KCNAB1: variants seen among roughly 807,000 people sequenced by gnomAD.
The protein encoded by KCNAB1 is voltage-gated potassium channel subunit beta-1.
In KCNAB1, 35 loss-of-function variants were observed where a neutral mutation model predicts 64.6. The ratio of observed to expected loss-of-function variants is 0.54; its 90% CI spans 0.41 to 0.72. The LOEUF is 0.72. Ranked by LOEUF, KCNAB1 falls within the 30% of genes least tolerant of loss-of-function variation. KCNAB1 has a pLI of 0.00. For synonymous variants in KCNAB1, 177 were observed against 183.8 expected, an observed-to-expected ratio of 0.96 and a Z score of 0.30; for missense variants, 401 against 512.9, an observed-to-expected ratio of 0.78 and a Z score of 2.11.
chr3:156,226,711 A>AAAAAG (rs3050302), intron 1 of KCNAB1, among the ~76,000 whole-genome samples: 113,377 of 151,464 alleles, frequency 0.75, 42,595 homozygotes, highest in East Asian at 0.9. Context: ...AAGAAAAAGA[A>AAAAAG]AAAAGAAAAG....
At chr3:156,142,801 T>A (rs958019999) in intron 1 of KCNAB1, among the ~76,000 whole-genome samples, 6 of 152,180 alleles carry the variant, frequency 3.9e-5, no homozygotes, top group African/African-American at 1.2e-4. Flanking sequence ...AAAAACAGAT[T>A]GGCCCAGATC....
chr3:156,247,355 G>A (rs1425515617), intron 1 of KCNAB1, among the ~76,000 whole-genome samples: 9 of 152,144 alleles, frequency 5.9e-5, no homozygotes, highest in African/African-American at 9.7e-5. Flanking sequence ...ATGCTAATTC[G>A]TGTTCAAAGC....
chr3:156,415,148 A>G (rs3772262), intron 1 of KCNAB1, among the ~76,000 whole-genome samples: 48,418 of 152,106 alleles, frequency 0.32, 10,911 homozygotes, highest in African/African-American at 0.64. Flanking sequence ...TCATTAGGCC[A>G]GGGAAGTGGG....
intron 1 of KCNAB1, among the ~76,000 whole-genome samples, chr3:156,238,350 A>T (rs1716969041): frequency 1.4e-5 from 2 of 143,430 alleles, no homozygotes; most frequent in South Asian, 4.6e-4. Context: ...TGAACCCGGG[A>T]GGCGGAACTT....
intron 1 of KCNAB1, among the ~76,000 whole-genome samples, chr3:156,219,880 CT>C (rs1200389968): frequency 6.6e-6 from 1 of 151,872 alleles, no homozygotes; most frequent in Admixed American, 6.6e-5. Flanking sequence ...CCCTAACCCC[CT>C]GACAGGCCCC....
At chr3:156,353,369 T>C (rs1724982410) in intron 1 of KCNAB1, among the ~76,000 whole-genome samples, 1 of 152,222 alleles carries the variant, frequency 6.6e-6, no homozygotes, top group African/African-American at 2.4e-5. Context: ...TAGAAAATGA[T>C]GAATCAGACC....
intron 1 of KCNAB1, among the ~76,000 whole-genome samples, chr3:156,238,862 G>A (rs1717007257): frequency 1.3e-5 from 2 of 152,192 alleles, no homozygotes; most frequent in Non-Finnish European, 2.9e-5. Context: ...AGCTGACAGT[G>A]AGGTTATTAC....
chr3:156,314,557 C>T (rs943386245), intron 1 of KCNAB1, among the ~76,000 whole-genome samples: 3 of 152,198 alleles, frequency 2.0e-5, no homozygotes, highest in Non-Finnish European at 2.9e-5. Context: ...GCAGGATTGC[C>T]GAGGATGAGG....
chr3:156,168,800 T>G (rs1381600034), intron 1 of KCNAB1, among the ~76,000 whole-genome samples: 3 of 152,214 alleles, frequency 2.0e-5, no homozygotes, highest in Non-Finnish European at 4.4e-5. Flanking sequence ...AGACATTTGC[T>G]CCAAAGAAAT....
intron 1 of KCNAB1, among the ~76,000 whole-genome samples, chr3:156,201,440 A>G (rs1714324189): frequency 6.6e-6 from 1 of 152,190 alleles, no homozygotes; most frequent in African/African-American, 2.4e-5. Flanking sequence ...ATTTGTTACA[A>G]TCAGTGAATC....
At chr3:156,126,188 A>G (rs1227883227) in intron 1 of KCNAB1, among the ~76,000 whole-genome samples, 4 of 152,170 alleles carry the variant, frequency 2.6e-5, no homozygotes, top group Non-Finnish European at 4.4e-5. Flanking sequence ...GGCTACTAAC[A>G]GCATCCTTCA....
chr3:156,421,700 G>T (rs1009341794), intron 2 of KCNAB1, 41 bp downstream of exon 2: 2 of 1,576,432 alleles, frequency 1.3e-6, no homozygotes, highest in African/African-American at 2.7e-5. Flanking sequence ...GCTGGAAGGT[G>T]GGAGACTGGG....
At chr3:156,481,692 A>G (rs1184457386) in intron 8 of KCNAB1, among the ~76,000 whole-genome samples, 4 of 152,126 alleles carry the variant, frequency 2.6e-5, no homozygotes, top group Non-Finnish European at 5.9e-5. Flanking sequence ...GGACCTCCTC[A>G]TTGGAACAAT....
At chr3:156,440,012 T>C (rs1235679870) in intron 2 of KCNAB1, among the ~76,000 whole-genome samples, 1 of 152,248 alleles carries the variant, frequency 6.6e-6, no homozygotes, top group African/African-American at 2.4e-5. Flanking sequence ...AAAAAGCAAC[T>C]GCAGGCAATA....
At chr3:156,137,224 G>T (rs868593670) in intron 1 of KCNAB1, among the ~76,000 whole-genome samples, 3 of 15,926 alleles carry the variant, frequency 1.9e-4, no homozygotes, top group Admixed American at 1.2e-3. Context: ...ATACATTGGT[G>T]GGGGGGGATT....
chr3:156,269,683 A>G (rs1472201019), intron 1 of KCNAB1, among the ~76,000 whole-genome samples: 2 of 152,032 alleles, frequency 1.3e-5, no homozygotes, highest in Non-Finnish European at 2.9e-5. Context: ...ATTTACAATT[A>G]TTGTATCTTT....
intron 1 of KCNAB1, among the ~76,000 whole-genome samples, chr3:156,193,001 A>C (rs773934293): frequency 1.1e-4 from 16 of 151,940 alleles, no homozygotes; most frequent in Non-Finnish European, 2.2e-4. Context: ...CATTGTTTTT[A>C]ATGTAATTAT....
At chr3:156,207,112 C>G (rs1179557489) in intron 1 of KCNAB1, among the ~76,000 whole-genome samples, 1 of 152,210 alleles carries the variant, frequency 6.6e-6, no homozygotes, top group African/African-American at 2.4e-5. Flanking sequence ...CTTTGCTTCT[C>G]TACCCTGCTC....
intron 1 of KCNAB1, among the ~76,000 whole-genome samples, chr3:156,292,778 A>G (rs1036031836): frequency 6.6e-6 from 1 of 152,180 alleles, no homozygotes; most frequent in African/African-American, 2.4e-5. Flanking sequence ...CCTGACCTCA[A>G]GTGATCCGCC....
Sources: gnomAD v4.1 joint callset for allele counts (sites outside exome capture counted in the v4.1 genomes callset) on GRCh38, gnomAD v4.1.1 for gene constraint, MANE v1.5 for transcripts, NCBI Gene and HGNC (gene_info 2026-07-23, HGNC 2026-07-21) for gene names.